The following STAU2 variants were observed in gnomAD, a reference collection of about 807,000 sequenced individuals.
STAU2 encodes double-stranded RNA-binding protein Staufen homolog 2.
STAU2 carries 20 observed loss-of-function variants against 65.9 expected under a neutral mutation model. The ratio of observed to expected loss-of-function variants is 0.30; its 90% confidence interval spans 0.21 to 0.44. The LOEUF (loss-of-function observed/expected upper bound fraction) is 0.44, where lower values mean the gene tolerates loss of function less well. Ranked by LOEUF, STAU2 falls within the 20% of genes least tolerant of loss-of-function variation. STAU2 has a pLI of 1.00. For missense variants in STAU2, 558 were observed against 683.9 expected, an observed-to-expected ratio of 0.82 and a Z score of 2.05; for synonymous variants, 232 against 233.9, an observed-to-expected ratio of 0.99 and a Z score of 0.07.
At chr8:73,526,241 A>G (rs1483311939) in intron 13 of STAU2, among the ~76,000 whole-genome samples, 1 of 152,178 alleles carries the variant, frequency 6.6e-6, no homozygotes, top group African/African-American at 2.4e-5. Context: ...AGTTGCAAGG[A>G]AGTAACAGAA....
At chr8:73,599,882 C>T (rs1034864313) in intron 10 of STAU2, among the ~76,000 whole-genome samples, 1 of 152,162 alleles carries the variant, frequency 6.6e-6, no homozygotes, top group African/African-American at 2.4e-5. Context: ...ATTCTCCTGC[C>T]TCAGCCTCCC....
chr8:73,642,454 C>T (rs550487920), intron 6 of STAU2, among the ~76,000 whole-genome samples: 8 of 151,998 alleles, frequency 5.3e-5, no homozygotes, highest in South Asian at 2.1e-4. Flanking sequence ...ACCCGGGAGG[C>T]GGAGGTCACA....
rs567648548 is a variant in STAU2 at position 73,477,375 on chromosome 8, T to A, written c.1531-54673A>T. ...AGCACTACTTTTTCAACAAAAGAGA[T>A]CAAAATAGAATAGGATAGAAAAGGA... On this transcript the variant is annotated intron_variant, in intron 13 of 14. Coordinates refer to ENST00000524300, the MANE Select transcript of STAU2 (RefSeq NM_001164380.2). Among the ~76,000 whole-genome samples the A allele has an allele frequency of 2.0e-5, 3 of 152,250 alleles. No individual in the cohort carries two copies. The East Asian group carries it at 5.8e-4, about 29-fold the overall frequency.
intron 3 of STAU2, among the ~76,000 whole-genome samples, chr8:73,711,929 A>G (rs1235624910): frequency 2.0e-5 from 3 of 152,202 alleles, no homozygotes; most frequent in East Asian, 1.9e-4. Flanking sequence ...AAAAGGGATT[A>G]AAACAAATAG....
intron 6 of STAU2, among the ~76,000 whole-genome samples, chr8:73,670,179 A>G (rs957610161): frequency 3.9e-5 from 6 of 152,158 alleles, no homozygotes; most frequent in Admixed American, 3.3e-4. Context: ...CTACAAGAGA[A>G]ATGTGTTGTC....
intron 6 of STAU2, among the ~76,000 whole-genome samples, chr8:73,626,241 G>T (rs980342257): frequency 6.6e-6 from 1 of 152,168 alleles, no homozygotes; most frequent in African/African-American, 2.4e-5. Context: ...GCATGGAAAT[G>T]CCAGAAAGAA....
At chr8:73,459,826 C>T (rs1819254266) in intron 13 of STAU2, among the ~76,000 whole-genome samples, 1 of 152,210 alleles carries the variant, frequency 6.6e-6, no homozygotes, top group Admixed American at 6.5e-5. Context: ...TTCAGGAATA[C>T]TTGTCCTTGG....
intron 13 of STAU2, among the ~76,000 whole-genome samples, chr8:73,446,242 A>T (rs1450667555): frequency 6.6e-6 from 1 of 152,236 alleles, no homozygotes; most frequent in Non-Finnish European, 1.5e-5. Flanking sequence ...TGATAAAAGC[A>T]TAGAGATGGA....
chr8:73,673,609 C>A (rs895502350), intron 5 of STAU2, among the ~76,000 whole-genome samples: 4 of 152,082 alleles, frequency 2.6e-5, no homozygotes, highest in African/African-American at 9.7e-5. Flanking sequence ...TTAAAAACAT[C>A]ATCTGTGAAT....
At chr8:73,746,135 T>A (rs1338378466) in intron 1 of STAU2, among the ~76,000 whole-genome samples, 3 of 151,986 alleles carry the variant, frequency 2.0e-5, no homozygotes, top group South Asian at 4.1e-4. Context: ...TCATAGGATA[T>A]ATTTTGTCCC....
At chr8:73,433,963 T>A (rs1199456899) in intron 13 of STAU2, among the ~76,000 whole-genome samples, 9 of 151,706 alleles carry the variant, frequency 5.9e-5, no homozygotes, top group African/African-American at 2.2e-4. Flanking sequence ...CACGTCCTAA[T>A]CCTCAGAGCC....
At chr8:73,602,424 T>TGA (rs1254880758) in intron 10 of STAU2, among the ~76,000 whole-genome samples, 4 of 152,196 alleles carry the variant, frequency 2.6e-5, no homozygotes, top group Admixed American at 1.3e-4. Context: ...AAAAACAGTT[T>TGA]GAGACTAAGC....
intron 13 of STAU2, among the ~76,000 whole-genome samples, chr8:73,494,525 A>C (rs1821300620): frequency 6.6e-6 from 1 of 151,704 alleles, no homozygotes; most frequent in Non-Finnish European, 1.5e-5. Flanking sequence ...TTATTTTTGT[A>C]CTCAATGAAG....
At chr8:73,659,082 A>C (rs1363315091) in intron 6 of STAU2, among the ~76,000 whole-genome samples, 1 of 152,218 alleles carries the variant, frequency 6.6e-6, no homozygotes, top group East Asian at 1.9e-4. Context: ...CAGCTGGTGG[A>C]TAACGTTTTT....
At chr8:73,564,792 T>C (rs991040682) in intron 12 of STAU2, among the ~76,000 whole-genome samples, 5 of 152,258 alleles carry the variant, frequency 3.3e-5, no homozygotes, top group African/African-American at 1.2e-4. Context: ...TATGTGGAGT[T>C]CTCATGTTCT....
At chr8:73,560,641 G>A (rs549748630) in intron 12 of STAU2, among the ~76,000 whole-genome samples, 1 of 152,254 alleles carries the variant, frequency 6.6e-6, no homozygotes, top group South Asian at 2.1e-4. Flanking sequence ...ACGGGAAAAT[G>A]CACTTAGTCC....
chr8:73,597,295 C>T (rs1434286267), intron 10 of STAU2, among the ~76,000 whole-genome samples: 8 of 151,738 alleles, frequency 5.3e-5, no homozygotes, highest in Admixed American at 3.9e-4. Flanking sequence ...AGAGAAGACA[C>T]AAATAAGAAA....
At chr8:73,479,712 CGTGTGTGTGTGTGTGT>C in intron 13 of STAU2, among the ~76,000 whole-genome samples, 1 of 143,904 alleles carries the variant, frequency 6.9e-6, no homozygotes, top group African/African-American at 2.6e-5. Flanking sequence ...CTTAAATATA[CGTGTGTGTGTGTGTGT>C]GTGTGTGTGT....
chr8:73,569,921 AC>A (rs1364798373), intron 12 of STAU2, among the ~76,000 whole-genome samples: 1 of 152,236 alleles, frequency 6.6e-6, no homozygotes, highest in Non-Finnish European at 1.5e-5. Context: ...CCAAAGGAAT[AC>A]AGCTCCTCGC....
Sources: allele counts gnomAD v4.1 joint callset (sites outside exome capture counted in the v4.1 genomes callset), GRCh38; gene constraint gnomAD v4.1.1; transcripts MANE v1.5; gene names NCBI Gene and HGNC (gene_info 2026-07-23, HGNC 2026-07-21).